The following HS3ST3A1 variants were observed in gnomAD, a reference collection of about 807,000 sequenced individuals.
HS3ST3A1 encodes heparan sulfate-glucosamine 3-sulfotransferase 3A1.
HS3ST3A1 carries 19 observed loss-of-function variants against 25.7 expected under a neutral mutation model. The ratio of observed to expected loss-of-function variants is 0.74; its 90% confidence interval spans 0.52 to 1.08. The LOEUF is 1.08. HS3ST3A1 is among the 50% of genes least tolerant of loss of function. The pLI, the probability that HS3ST3A1 is intolerant of heterozygous loss-of-function variation, is 0.00. For synonymous variants in HS3ST3A1, 226 were observed against 278.6 expected (o/e 0.81, Z 1.88); for missense variants, 459 against 594.3 (o/e 0.77, Z 2.37).
chr17:13,540,222 T>A (rs573207685), intron 1 of HS3ST3A1, among the ~76,000 whole-genome samples: 2 of 152,344 alleles, frequency 1.3e-5, no homozygotes, highest in South Asian at 4.1e-4. Flanking sequence ...ATCTATAATG[T>A]TCTAGTGTTA....
At chr17:13,598,538 A>G (rs1015897520) in intron 1 of HS3ST3A1, among the ~76,000 whole-genome samples, 6 of 152,208 alleles carry the variant, frequency 3.9e-5, no homozygotes, top group African/African-American at 1.2e-4. Context: ...CTGTGCAGTT[A>G]TTTTTGTGAC....
intron 1 of HS3ST3A1, among the ~76,000 whole-genome samples, chr17:13,515,974 A>G (rs1469857292): frequency 2.0e-5 from 3 of 152,016 alleles, no homozygotes; most frequent in Non-Finnish European, 4.4e-5. Flanking sequence ...CCATTTTTAC[A>G]TGGGGCTGTT....
At chr17:13,544,009 G>GCCC (rs1907011265) in intron 1 of HS3ST3A1, among the ~76,000 whole-genome samples, 1 of 152,090 alleles carries the variant, frequency 6.6e-6, no homozygotes, top group Non-Finnish European at 1.5e-5. Context: ...AGAAAGTACA[G>GCCC]TTTTTGTGAA....
intron 1 of HS3ST3A1, among the ~76,000 whole-genome samples, chr17:13,558,389 T>A (rs1907437191): frequency 6.6e-6 from 1 of 152,082 alleles, no homozygotes; most frequent in Admixed American, 6.6e-5. Context: ...ATATATAAAG[T>A]ACTATGTACT....
chr17:13,569,214 C>T (rs1028428211), intron 1 of HS3ST3A1, among the ~76,000 whole-genome samples: 3 of 152,176 alleles, frequency 2.0e-5, no homozygotes, highest in African/African-American at 7.2e-5. Flanking sequence ...AGCCTCAGCC[C>T]CCACTTACTG....
intron 1 of HS3ST3A1, among the ~76,000 whole-genome samples, chr17:13,581,798 C>A (rs1056617549): frequency 6.6e-6 from 1 of 152,176 alleles, no homozygotes; most frequent in Non-Finnish European, 1.5e-5. Flanking sequence ...ACCCCAAGTT[C>A]ATTTCCAATG....
rs1905247146 is a variant in HS3ST3A1 at position 13,495,750 on chromosome 17, T to C, written c.*447A>G. On this transcript the variant is annotated 3_prime_UTR_variant, in exon 2 of 2. Coordinates refer to ENST00000284110, the MANE Select transcript of HS3ST3A1 (RefSeq NM_006042.3). ...GTATTTGAAAGCACTATGAAAACTGTGACGGGTACAAACATATGATAATAC... is the reference window on the plus strand; with the variant it reads ...GTATTTGAAAGCACTATGAAAACTGCGACGGGTACAAACATATGATAATAC... 6.5e-6 allele frequency: 1 copy of C among 154,308 alleles called. No homozygotes were observed. The highest frequency in any genetic ancestry group is 2.0e-4 in the South Asian group (1 of 4,946). 9.6% of individuals were successfully genotyped at this position (154,308 alleles called of 1,614,324 possible).
At chr17:13,515,905 G>A (rs112363592) in intron 1 of HS3ST3A1, among the ~76,000 whole-genome samples, 128 of 152,072 alleles carry the variant, frequency 8.4e-4, no homozygotes, top group African/African-American at 2.9e-3. Flanking sequence ...GAATGATGTT[G>A]AACGTCTTTT....
chr17:13,571,779 A>G (rs1342364488), intron 1 of HS3ST3A1, among the ~76,000 whole-genome samples: 1 of 152,164 alleles, frequency 6.6e-6, no homozygotes, highest in Admixed American at 6.5e-5. Context: ...TGTTGTTTTG[A>G]GGTGGAGTCA....
Position 13,510,099 on chromosome 17 carries a change from G to C in HS3ST3A1, c.600-13281C>G, listed in dbSNP as rs544407610. ...GTTCTCAGGTCAGCATCTAGAAGGGGAGAATGGAATTCTTATTCAAAGTGG... is the reference window on the plus strand; with the variant it reads ...GTTCTCAGGTCAGCATCTAGAAGGGCAGAATGGAATTCTTATTCAAAGTGG... On this transcript the variant is annotated intron_variant, in intron 1 of 1. Coordinates refer to ENST00000284110, the MANE Select transcript of HS3ST3A1 (RefSeq NM_006042.3). 4.7e-4 allele frequency among the ~76,000 whole-genome samples: 72 copies of C among 152,360 alleles called. 1 individual carries two copies. The highest frequency in any genetic ancestry group is 7.8e-4 in the Non-Finnish European group (53 of 68,038).
chr17:13,556,921 G>A (rs1211955878), intron 1 of HS3ST3A1, among the ~76,000 whole-genome samples: 1 of 151,344 alleles, frequency 6.6e-6, no homozygotes, highest in Admixed American at 6.6e-5. Flanking sequence ...TGGCAGCCAT[G>A]CTTGCACATA....
chr17:13,578,613 T>C (rs922675045), intron 1 of HS3ST3A1, among the ~76,000 whole-genome samples: 4 of 151,154 alleles, frequency 2.6e-5, no homozygotes, highest in African/African-American at 9.7e-5. Context: ...GTCTGAAAAT[T>C]TATTCAATCT....
chr17:13,568,190 A>G (rs1907722062), intron 1 of HS3ST3A1, among the ~76,000 whole-genome samples: 1 of 152,216 alleles, frequency 6.6e-6, no homozygotes, highest in African/African-American at 2.4e-5. Context: ...GACTCAGCTG[A>G]TCATTAGTAC....
At chr17:13,547,320 GT>G (rs1598422532) in intron 1 of HS3ST3A1, among the ~76,000 whole-genome samples, 1 of 152,152 alleles carries the variant, frequency 6.6e-6, no homozygotes, top group Non-Finnish European at 1.5e-5. Flanking sequence ...ATGACTGATG[GT>G]TGGGGGGCCC....
intron 1 of HS3ST3A1, among the ~76,000 whole-genome samples, chr17:13,545,008 T>A (rs1907044775): frequency 6.6e-6 from 1 of 152,196 alleles, no homozygotes; most frequent in East Asian, 1.9e-4. Context: ...AAAAGATGAA[T>A]GCACGTGGCA....
At chr17:13,572,250 G>A (rs112388618) in intron 1 of HS3ST3A1, among the ~76,000 whole-genome samples, 235 of 152,246 alleles carry the variant, frequency 1.5e-3, no homozygotes, top group African/African-American at 5.3e-3. Flanking sequence ...TTAATCAAAT[G>A]TATTTTTGAG....
chr17:13,573,905 T>C (rs147718589), intron 1 of HS3ST3A1, among the ~76,000 whole-genome samples: 1 of 152,312 alleles, frequency 6.6e-6, no homozygotes, highest in East Asian at 1.9e-4. Flanking sequence ...CACAAGAAGA[T>C]GGCAGTCTGC....
At chr17:13,541,904 G>A (rs549014905) in intron 1 of HS3ST3A1, among the ~76,000 whole-genome samples, 1 of 152,312 alleles carries the variant, frequency 6.6e-6, no homozygotes, top group Non-Finnish European at 1.5e-5. Flanking sequence ...CATGTTGAAG[G>A]AATGGATGCC....
At chr17:13,566,083 G>A (rs562532831) in intron 1 of HS3ST3A1, among the ~76,000 whole-genome samples, 2 of 152,290 alleles carry the variant, frequency 1.3e-5, no homozygotes, top group Admixed American at 1.3e-4. Context: ...GTGCATTGCA[G>A]ATATTGCATT....
Sources: gnomAD v4.1 joint callset for allele counts (sites outside exome capture counted in the v4.1 genomes callset) on GRCh38, gnomAD v4.1.1 for gene constraint, MANE v1.5 for transcripts, NCBI Gene and HGNC (gene_info 2026-07-23, HGNC 2026-07-21) for gene names.